Variants in DMRTA1 observed in about 807,000 individuals in gnomAD.
The protein encoded by DMRTA1 is DMRT like family A1, also known as doublesex- and mab-3-related transcription factor A1.
In DMRTA1, 34 loss-of-function variants were observed where a neutral mutation model predicts 35.2. The ratio of observed to expected loss-of-function variants is 0.97; its 90% CI spans 0.74 to 1.29. DMRTA1 has a LOEUF of 1.29. Ranked by LOEUF, DMRTA1 falls within the 50% of genes most tolerant of loss-of-function variation. DMRTA1 has a pLI of 0.00. For missense variants in DMRTA1, 824 were observed against 644.6 expected (o/e 1.28, Z -3.01); for synonymous variants, 344 against 276.6 (o/e 1.24, Z -2.42).
intron 1 of DMRTA1, among the ~76,000 whole-genome samples, chr9:22,449,119 C>G (rs1818885031): frequency 6.6e-6 from 1 of 152,128 alleles, no homozygotes. Flanking sequence ...CCCCCTCCCC[C>G]ATAAGAAGCA....
Position 22,451,710 on chromosome 9 carries a change from G to T in DMRTA1, c.1314G>T (p.Arg438Ser). The change falls in exon 2 of 2, where the codon AGG becomes AGT. Residue 438 changes from arginine to serine, a missense_variant. Physicochemically the swap from Arg to Ser is moderately radical, Grantham distance 110. Coordinates refer to ENST00000325870, the MANE Select transcript of DMRTA1 (RefSeq NM_022160.3). ...VNPRVGISPL[R>S]LAYSSAGRGL... ...CTAGAGTAGGTATCAGTCCATTAAG[G>T]CTGGCATATTCTTCTGCAGGAAGAG... The T allele has an allele frequency of 6.2e-7, 1 of 1,614,094 alleles. No individual in the cohort carries two copies. The highest frequency in any genetic ancestry group is 8.5e-7 in the Non-Finnish European group (1 of 1,179,952).
rs1818955161 is a variant in DMRTA1 at position 22,453,023 on chromosome 9, C to T, written c.*1112C>T. The stretch of plus-strand genomic sequence containing the variant: ...CAATTTTAAAAATAATTTTTGTCCT[C>T]CCTCTGGCGCATTTGAAAACTATTT... On this transcript the variant is annotated 3_prime_UTR_variant, in exon 2 of 2. Coordinates refer to ENST00000325870, the MANE Select transcript of DMRTA1 (RefSeq NM_022160.3). The T allele has an allele frequency of 6.6e-6, 1 of 152,046 alleles. No individual in the cohort carries two copies. The highest frequency in any genetic ancestry group is 1.5e-5 in the Non-Finnish European group (1 of 67,964). 9.4% of individuals were successfully genotyped at this position (152,046 alleles called of 1,614,324 possible). A position where few individuals can be genotyped will look rare whatever the true frequency, so the allele number is the denominator to read the frequency against.
In DMRTA1 at chr9:22,454,465, A is replaced by G. The variant is rs1818976760; in HGVS notation, c.*2554A>G. On this transcript the variant is annotated 3_prime_UTR_variant, in exon 2 of 2. Transcript: ENST00000325870. Reference sequence around the variant, plus strand: ...ATGCACTGTGTTAGACACAAGAGATAAAGAAATGATTAAGATACAAGACTT... The same window carrying G: ...ATGCACTGTGTTAGACACAAGAGATGAAGAAATGATTAAGATACAAGACTT... 6.6e-6 allele frequency: 1 copy of G among 152,220 alleles called. No individual in the cohort carries two copies. The highest frequency in any genetic ancestry group is 2.4e-5 in the African/African-American group (1 of 41,464). The allele number at this position is 152,220 out of a possible 1,614,324, so 9.4% of individuals were successfully genotyped here. A position where few individuals can be genotyped will look rare whatever the true frequency, so the allele number is the denominator to read the frequency against.
In DMRTA1 at chr9:22,447,525, C is replaced by CG; in HGVS notation, c.465dup (p.Leu156AlafsTer64). 6.3e-7 allele frequency: 1 copy of CG among 1,578,474 alleles called. No homozygotes were observed. Among genetic ancestry groups the CG allele is most frequent in the Non-Finnish European group, 8.6e-7 (1 of 1,163,096 alleles). ...GCAGGCGCAGGAGGAGAGCGAAGCC[C>CG]GGGGGCTACAGAGGCTCCTGTGCTC... On this transcript the variant is annotated frameshift_variant, in exon 1 of 2. Coordinates refer to ENST00000325870, the MANE Select transcript of DMRTA1 (RefSeq NM_022160.3). LOFTEE classifies it high-confidence loss of function.
Position 22,451,104 on chromosome 9 carries a change from A to G in DMRTA1, c.708A>G (p.Gln236=). The change falls in exon 2 of 2, where the codon CAA becomes CAG. Residue 236 remains glutamine, a synonymous_variant. Coordinates refer to ENST00000325870, the MANE Select transcript of DMRTA1 (RefSeq NM_022160.3). ...AATGTGAGTCATGCCAGAATGGACA[A>G]GAAGAACTGATCTCCAAATCCCATC... ...ESKCESCQNG[Q]EELISKSHQL... 6.2e-7 allele frequency: 1 copy of G among 1,613,850 alleles called. No individual in the cohort carries two copies. Among genetic ancestry groups the G allele is most frequent in the South Asian group, 1.1e-5 (1 of 91,066 alleles).
chr9:22,447,610 C>G lies in DMRTA1; in HGVS notation c.545C>G (p.Pro182Arg). The G allele has an allele frequency of 6.2e-7, 1 of 1,608,198 alleles. No homozygotes were observed. Among genetic ancestry groups the G allele is most frequent in the Non-Finnish European group, 8.5e-7 (1 of 1,178,298 alleles). The part of the protein sequence containing the change: ...ASGGGGRAEN[P>R]QSTGGPAAGA... ...GGGGGCGGCGGCAGAGCCGAGAATC[C>G]ACAGTCCACGGGCGGCCCTGCGGCG... is the stretch of plus-strand genomic sequence containing the variant. The change falls in exon 1 of 2, where the codon CCA (proline) becomes CGA (arginine). Residue 182 changes from proline (P) to arginine (R), a missense_variant. Coordinates refer to ENST00000325870, the MANE Select transcript of DMRTA1 (RefSeq NM_022160.3).
chr9:22,449,936 T>C (rs1818900912), intron 1 of DMRTA1, among the ~76,000 whole-genome samples: 1 of 152,160 alleles, frequency 6.6e-6, no homozygotes. Flanking sequence ...TTTTGTGACA[T>C]TCATAAACTT....
rs903507615 is a variant in DMRTA1 at position 22,455,345 on chromosome 9, C to A, written c.*3434C>A. ...ATGACTTGGACAGGTTACTTATACT[C>A]TTTGGACATTTATTTCTTCTCAGCA... On this transcript the variant is annotated 3_prime_UTR_variant, in exon 2 of 2. Transcript: ENST00000325870. The A allele has an allele frequency of 1.3e-5, 2 of 152,144 alleles. No homozygotes were observed. Among genetic ancestry groups the A allele is most frequent in the African/African-American group, 4.8e-5 (2 of 41,426 alleles). The allele number at this position is 152,144 out of a possible 1,614,324, so 9.4% of individuals were successfully genotyped here. A position where few individuals can be genotyped will look rare whatever the true frequency, so the allele number is the denominator to read the frequency against.
chr9:22,448,457 G>GT (rs780792336), intron 1 of DMRTA1, among the ~76,000 whole-genome samples: 13 of 152,098 alleles, frequency 8.5e-5, no homozygotes, highest in Non-Finnish European at 1.9e-4. Context: ...AATATTAGAG[G>GT]TTTTTTATCC....
chr9:22,447,851 G>A (rs974222907), intron 1 of DMRTA1, 119 bp downstream of exon 1: 14 of 1,239,048 alleles, frequency 1.1e-5, no homozygotes, highest in Non-Finnish European at 1.6e-5. Flanking sequence ...AACACTTTAA[G>A]TTTTGGGGAA....
At position 22,454,818 on chromosome 9, in the gene DMRTA1, AGTGGCTGCCTC is replaced by A. The variant is rs1818980175; in HGVS notation, c.*2910_*2920del. On this transcript the variant is annotated 3_prime_UTR_variant, in exon 2 of 2. Coordinates refer to ENST00000325870, the MANE Select transcript of DMRTA1 (RefSeq NM_022160.3). ...ACAGTTAACAGCTGTCCAAGAGTGT[AGTGGCTGCCTC>A]GTATGATAAAGCATCTGGAACTCAT... 6.6e-6 allele frequency: 1 copy of A among 152,214 alleles called. No individual in the cohort carries two copies. The highest frequency in any genetic ancestry group is 1.5e-5 in the Non-Finnish European group (1 of 68,028). 9.4% of individuals were successfully genotyped at this position (152,214 alleles called of 1,614,324 possible). A position where few individuals can be genotyped will look rare whatever the true frequency, so the allele number is the denominator to read the frequency against.
Position 22,447,157 on chromosome 9 carries a change from C to T in DMRTA1, c.92C>T (p.Pro31Leu). ...CTAGTGGTGGCTGCCCCTCCGCCCCCGTCCCCGGCGTTGCCGGTACCATCG... is the reference window on the plus strand; with the variant it reads ...CTAGTGGTGGCTGCCCCTCCGCCCCTGTCCCCGGCGTTGCCGGTACCATCG... ...PGLVVAAPPP[P>L]SPALPVPSGM... is the part of the protein sequence containing the mutation. Residue 31 changes from proline (P) to leucine (L), a missense_variant, in exon 1 of 2, where the codon CCG (proline) becomes CTG (leucine). Transcript: ENST00000325870. The T allele has an allele frequency of 6.2e-7, 1 of 1,601,232 alleles. No homozygotes were observed. The highest frequency in any genetic ancestry group is 8.5e-7 in the Non-Finnish European group (1 of 1,175,144).
Position 22,454,168 on chromosome 9 carries a change from T to C in DMRTA1, c.*2257T>C, listed in dbSNP as rs529023423. ...ACAACTCAGTAGTATATGAGGAAATTGGGGCTCAGCAGTAGGGTTTTTTCT... is the reference window on the plus strand; with the variant it reads ...ACAACTCAGTAGTATATGAGGAAATCGGGGCTCAGCAGTAGGGTTTTTTCT... On this transcript the variant is annotated 3_prime_UTR_variant, in exon 2 of 2. Transcript: ENST00000325870. The C allele has an allele frequency of 5.9e-5, 9 of 152,180 alleles. No homozygotes were observed. The South Asian group carries it at 1.9e-3, about 32-fold the overall frequency. The allele number at this position is 152,180 out of a possible 1,614,324, so 9.4% of individuals were successfully genotyped here. A position where few individuals can be genotyped will look rare whatever the true frequency, so the allele number is the denominator to read the frequency against.
chr9:22,447,101 C>T lies in DMRTA1; in HGVS notation c.36C>T (p.Gly12=). The T allele has an allele frequency of 6.2e-7, 1 of 1,609,164 alleles. No homozygotes were observed. Among genetic ancestry groups the T allele is most frequent in the South Asian group, 1.1e-5 (1 of 90,430 alleles). Reference sequence around the variant, plus strand: ...CACAGTGTGGCAGCAGAGACCGAGGCGTTAGCGGCCGACCTCACTTGGCCC... The same window carrying T: ...CACAGTGTGGCAGCAGAGACCGAGGTGTTAGCGGCCGACCTCACTTGGCCC... ...ERSQCGSRDR[G]VSGRPHLAPG... is the part of the protein sequence containing the mutation. The change falls in exon 1 of 2, where the codon GGC becomes GGT. Residue 12 remains glycine (G), a synonymous_variant. Coordinates refer to ENST00000325870, the MANE Select transcript of DMRTA1 (RefSeq NM_022160.3).
In DMRTA1 at chr9:22,451,186, G is replaced by C. The variant is rs148944998; in HGVS notation, c.790G>C (p.Gly264Arg). 1.2e-6 allele frequency: 2 copies of C among 1,613,854 alleles called. No individual in the cohort carries two copies. Among genetic ancestry groups the C allele is most frequent in the Admixed American group, 1.7e-5 (1 of 59,988 alleles). Reference protein sequence around the residue: ...SNGVIGKQSIGSSISEYSNKP... With the variant: ...SNGVIGKQSIRSSISEYSNKP... ...TGGTGTCATTGGGAAACAAAGTATC[G>C]GGTCATCTATTTCAGAATACTCCAA... Residue 264 changes from glycine (G) to arginine (R), a missense_variant, in exon 2 of 2, where the codon GGG becomes CGG. Gly to Arg is a moderately radical substitution (Grantham distance 125, BLOSUM62 -2). Coordinates refer to ENST00000325870, the MANE Select transcript of DMRTA1 (RefSeq NM_022160.3).
rs540836720 is a variant in DMRTA1 at position 22,447,740 on chromosome 9, G to A, written c.667+8G>A. The A allele has an allele frequency of 1.1e-5, 17 of 1,613,166 alleles. No homozygotes were observed. The African/African-American group carries it at 2.0e-4, about 19-fold the overall frequency. On this transcript the variant is annotated splice_region_variant and intron_variant, in intron 1 of 1. Coordinates refer to ENST00000325870, the MANE Select transcript of DMRTA1 (RefSeq NM_022160.3). Reference sequence around the variant, plus strand: ...ATCCTGAGGAAAAACAAGGTGAGTTGGTCTTTGATTTACTCTTTGCTCAAG... The same window carrying A: ...ATCCTGAGGAAAAACAAGGTGAGTTAGTCTTTGATTTACTCTTTGCTCAAG...
rs929942151 is a variant in DMRTA1 at position 22,453,223 on chromosome 9, A to C, written c.*1312A>C. 2.0e-5 allele frequency: 3 copies of C among 152,078 alleles called. No individual in the cohort carries two copies. The highest frequency in any genetic ancestry group is 7.2e-5 in the African/African-American group (3 of 41,436). The allele number at this position is 152,078 out of a possible 1,614,324, so 9.4% of individuals were successfully genotyped here. ...AGTTGATGAATTAGAGATTGTTTAA[A>C]CTATTTAAGCAGCATGACTCACTAA... is the stretch of plus-strand genomic sequence containing the variant. On this transcript the variant is annotated 3_prime_UTR_variant, in exon 2 of 2. Transcript: ENST00000325870.
In DMRTA1 at chr9:22,447,384, T is replaced by A. The variant is rs1322085236; in HGVS notation, c.319T>A (p.Ser107Thr). The A allele has an allele frequency of 9.7e-6, 15 of 1,552,546 alleles. No individual in the cohort carries two copies. The change falls in exon 1 of 2, where the codon TCA (serine) becomes ACA (threonine). Residue 107 changes from serine to threonine, a missense_variant. Ser to Thr is a moderately conservative substitution (Grantham distance 58). Coordinates refer to ENST00000325870, the MANE Select transcript of DMRTA1 (RefSeq NM_022160.3). ...CCGCTGTCGTAACCATGGTGTGGTG[T>A]CAGCGCTCAAGGGCCACAAGCGCTT... The part of the protein sequence containing the change: ...CARCRNHGVV[S>T]ALKGHKRFCR...
intron 1 of DMRTA1, among the ~76,000 whole-genome samples, 171 bp downstream of exon 1, chr9:22,447,903 C>G (rs1039755091): frequency 1.3e-5 from 2 of 152,084 alleles, no homozygotes; most frequent in African/African-American, 4.8e-5. Flanking sequence ...TGAGAGACCC[C>G]ATCGCCTTCA....
Sources: allele counts gnomAD v4.1 joint callset (sites outside exome capture counted in the v4.1 genomes callset), GRCh38; gene constraint gnomAD v4.1.1; transcripts MANE v1.5; gene names NCBI Gene and HGNC (gene_info 2026-07-23, HGNC 2026-07-21).